Variants in LRRC4C observed in about 807,000 individuals in gnomAD.
The protein encoded by LRRC4C is leucine-rich repeat-containing protein 4C.
In LRRC4C, 5 loss-of-function variants were observed where a neutral mutation model predicts 33.6. The observed-to-expected ratio is 0.15, with a 90% CI of 0.08 to 0.31. LRRC4C has a LOEUF of 0.31. LRRC4C is among the 10% of genes least tolerant of loss of function. LRRC4C has a pLI of 1.00. For synonymous variants in LRRC4C, 329 were observed against 302.0 expected, an observed-to-expected ratio of 1.09 and a Z score of -0.93; for missense variants, 560 against 796.7, an observed-to-expected ratio of 0.70 and a Z score of 3.58.
At chr11:41,230,198 C>T (rs1036037825) in intron 1 of LRRC4C, among the ~76,000 whole-genome samples, 1 of 151,992 alleles carries the variant, frequency 6.6e-6, no homozygotes, top group Non-Finnish European at 1.5e-5. Context: ...CATTTTTGAA[C>T]ATTTTTGTTT....
chr11:40,633,284 T>C (rs1197671818), intron 3 of LRRC4C, among the ~76,000 whole-genome samples: 1 of 151,820 alleles, frequency 6.6e-6, no homozygotes, highest in African/African-American at 2.4e-5. Context: ...GGCTTTGCAA[T>C]AACAGGCCTT....
At chr11:41,228,928 C>T (rs1947661101) in intron 1 of LRRC4C, among the ~76,000 whole-genome samples, 1 of 152,086 alleles carries the variant, frequency 6.6e-6, no homozygotes, top group African/African-American at 2.4e-5. Context: ...TGTCTGTGGT[C>T]ATTTTTTTCT....
At chr11:40,768,810 A>C (rs181755126) in intron 2 of LRRC4C, among the ~76,000 whole-genome samples, 1 of 152,130 alleles carries the variant, frequency 6.6e-6, no homozygotes, top group African/African-American at 2.4e-5. Flanking sequence ...AAAACCTTTA[A>C]AAGACTGGAA....
chr11:41,177,988 C>T (rs1470287900), intron 1 of LRRC4C, among the ~76,000 whole-genome samples: 4 of 152,094 alleles, frequency 2.6e-5, no homozygotes, highest in South Asian at 2.1e-4. Flanking sequence ...GCCAAGATAC[C>T]GTGGTTAAAG....
At chr11:40,185,515 G>A (rs956696410) in intron 5 of LRRC4C, among the ~76,000 whole-genome samples, 2 of 152,102 alleles carry the variant, frequency 1.3e-5, no homozygotes, top group Admixed American at 1.3e-4. Context: ...ATTTAGTTAG[G>A]CATCTGAAAA....
intron 5 of LRRC4C, among the ~76,000 whole-genome samples, chr11:40,164,839 T>C (rs1859453427): frequency 6.6e-6 from 1 of 152,202 alleles, no homozygotes; most frequent in Non-Finnish European, 1.5e-5. Flanking sequence ...CATGTATGCA[T>C]GTATCAATAT....
At chr11:41,094,367 T>C (rs1009923035) in intron 1 of LRRC4C, among the ~76,000 whole-genome samples, 1 of 150,084 alleles carries the variant, frequency 6.7e-6, no homozygotes, top group South Asian at 2.1e-4. Context: ...CTACTAAAAA[T>C]ACAAAAAATT....
intron 3 of LRRC4C, among the ~76,000 whole-genome samples, chr11:40,344,844 T>G (rs1947049684): frequency 6.6e-6 from 1 of 152,064 alleles, no homozygotes; most frequent in South Asian, 2.1e-4. Context: ...TCAGTAGTAC[T>G]CCTGTACACG....
At chr11:40,774,278 T>C (rs1949886320) in intron 2 of LRRC4C, among the ~76,000 whole-genome samples, 1 of 152,126 alleles carries the variant, frequency 6.6e-6, no homozygotes, top group Non-Finnish European at 1.5e-5. Context: ...TCCACTTTGC[T>C]ACAGGGTTTT....
chr11:40,858,674 C>G (rs1237950680), intron 2 of LRRC4C, among the ~76,000 whole-genome samples: 3 of 110,050 alleles, frequency 2.7e-5, no homozygotes, highest in Non-Finnish European at 5.1e-5. Flanking sequence ...AGCCTGGTAA[C>G]AGAGTGAGAC....
intron 2 of LRRC4C, among the ~76,000 whole-genome samples, chr11:40,764,633 G>A (rs1247405184): frequency 6.6e-6 from 1 of 152,114 alleles, no homozygotes; most frequent in Non-Finnish European, 1.5e-5. Context: ...TGGTAGCTAG[G>A]CATTGGTCAC....
chr11:40,846,910 C>T (rs2135706226), intron 2 of LRRC4C, among the ~76,000 whole-genome samples: 1 of 152,200 alleles, frequency 6.6e-6, no homozygotes, highest in Non-Finnish European at 1.5e-5. Flanking sequence ...AATTTATTCT[C>T]TTTGTGGCAA....
chr11:40,737,808 T>C (rs147793457), intron 2 of LRRC4C, among the ~76,000 whole-genome samples: 1,682 of 152,234 alleles, frequency 0.011, 45 homozygotes, highest in African/African-American at 0.039. Flanking sequence ...AAGTAATTTA[T>C]AGATTTAATG....
chr11:40,396,749 A>G (rs955717424), intron 3 of LRRC4C, among the ~76,000 whole-genome samples: 4 of 152,148 alleles, frequency 2.6e-5, no homozygotes, highest in Admixed American at 2.0e-4. Context: ...TAATTTTGTT[A>G]GCAAGTCTTT....
chr11:41,448,047 C>T (rs1955880500), intron 1 of LRRC4C, among the ~76,000 whole-genome samples: 1 of 148,044 alleles, frequency 6.8e-6, no homozygotes, highest in Non-Finnish European at 1.5e-5. Flanking sequence ...TAATGGGTCT[C>T]CAACTCATTA....
intron 1 of LRRC4C, among the ~76,000 whole-genome samples, chr11:41,055,055 T>C (rs1168801370): frequency 7.2e-5 from 11 of 152,032 alleles, no homozygotes; most frequent in African/African-American, 2.4e-4. Flanking sequence ...AATAGAAAAA[T>C]ACCAGAACCT....
intron 1 of LRRC4C, among the ~76,000 whole-genome samples, chr11:41,398,869 G>T (rs1342339017): frequency 6.6e-6 from 1 of 151,816 alleles, no homozygotes; most frequent in African/African-American, 2.4e-5. Context: ...GGGAAGTTGT[G>T]TAGAAGGACC....
At chr11:40,734,508 T>C (rs987114926) in intron 2 of LRRC4C, among the ~76,000 whole-genome samples, 2 of 152,012 alleles carry the variant, frequency 1.3e-5, no homozygotes, top group Admixed American at 6.6e-5. Flanking sequence ...GGTTGGCAAA[T>C]TTGCTTGCAG....
chr11:40,971,131 A>T (rs1032855270), intron 1 of LRRC4C, among the ~76,000 whole-genome samples: 5 of 152,244 alleles, frequency 3.3e-5, no homozygotes, highest in Non-Finnish European at 7.3e-5. Context: ...TGGCTTCAGA[A>T]ATTCACATAA....
Sources: allele counts gnomAD v4.1 joint callset (sites outside exome capture counted in the v4.1 genomes callset), GRCh38; gene constraint gnomAD v4.1.1; transcripts MANE v1.5; gene names NCBI Gene and HGNC (gene_info 2026-07-23, HGNC 2026-07-21).